Variants in NFATC1 observed in about 807,000 individuals in gnomAD.
The protein encoded by NFATC1 is nuclear factor of activated T cells 1.
NFATC1 carries 22 observed loss-of-function variants against 76.0 expected under a neutral mutation model. That is an observed-to-expected ratio of 0.29 (90% CI 0.21 to 0.41). NFATC1 has a LOEUF of 0.41. Among genes scored for constraint, NFATC1 ranks in the 10% least tolerant of loss-of-function variants. The pLI is 1.00. For synonymous variants in NFATC1, 704 were observed against 613.1 expected (o/e 1.15, Z -2.19); for missense variants, 1,357 against 1,337.7 (o/e 1.01, Z -0.23).
In NFATC1 at chr18:79,410,868, C is replaced by T. The variant is rs773868340; in HGVS notation, c.593C>T (p.Ala198Val). The change falls in exon 2 of 10, where the codon GCG becomes GTG. Residue 198 changes from alanine (A) to valine (V), a missense_variant. Physicochemically the swap from Ala to Val is moderately conservative, Grantham distance 64. Coordinates refer to ENST00000427363, the MANE Select transcript of NFATC1 (RefSeq NM_001278669.2). The surrounding 1 kb of genome is among the most constrained non-coding windows in gnomAD (Gnocchi z 6.7). ...SYESNYSYPY[A>V]SPQTSPWQSP... is the part of the protein sequence containing the mutation. ...GAGTCCAACTACTCGTACCCGTACG[C>T]GTCCCCCCAGACGTCGCCATGGCAG... 52 of 1,609,394 alleles carry T rather than the reference C, an allele frequency of 3.2e-5. No individual in the cohort carries two copies. Among genetic ancestry groups the T allele is most frequent in the African/African-American group, 4.0e-5 (3 of 74,914 alleles).
At chr18:79,467,673 G>A (rs754755959) in intron 8 of NFATC1, 91 bp downstream of exon 8, 20 of 1,571,984 alleles carry the variant, frequency 1.3e-5, no homozygotes, top group African/African-American at 1.4e-5. Flanking sequence ...GTAAAGCAGC[G>A]TGGCGTGTTG....
rs1333554834 is a variant in NFATC1, at chr18:79,410,373, A to G, written c.128-30A>G. ...TCTGCTTTGTGATGCCCAGCCCCTCATGCTCCCATCTGCTTCTTTTTCTCT... is the reference window on the plus strand; with the variant it reads ...TCTGCTTTGTGATGCCCAGCCCCTCGTGCTCCCATCTGCTTCTTTTTCTCT... On this transcript the variant is annotated intron_variant, in intron 1 of 9. Transcript: ENST00000427363. This position sits in a 1 kb window ranked among gnomAD's most constrained non-coding sequence, Gnocchi z 6.7. 4 of 1,575,044 alleles carry G rather than the reference A, an allele frequency of 2.5e-6. No individual in the cohort carries two copies. The highest frequency in any genetic ancestry group is 3.4e-6 in the Non-Finnish European group (4 of 1,161,592).
chr18:79,522,379 G>A (rs867166140), intron 9 of NFATC1, among the ~76,000 whole-genome samples: 9 of 80,168 alleles, frequency 1.1e-4, no homozygotes, highest in African/African-American at 3.8e-4. Context: ...TGTGTGTGTG[G>A]GGGGGGGTGC....
chr18:79,491,367 TGCC>T (rs1028450599), intron 9 of NFATC1, among the ~76,000 whole-genome samples: 2 of 152,180 alleles, frequency 1.3e-5, no homozygotes, highest in African/African-American at 4.8e-5. Context: ...GTCAAGTCGG[TGCC>T]GTGCGTGCCA....
In NFATC1 at chr18:79,430,432, G is replaced by A. The variant is rs1251955559; in HGVS notation, c.1227-3147G>A. Among the ~76,000 whole-genome samples the A allele has an allele frequency of 2.0e-5, 3 of 152,310 alleles. 1 individual carries two copies. Among genetic ancestry groups the A allele is most frequent in the Middle Eastern group, 6.8e-3 (2 of 294 alleles). On this transcript the variant is annotated intron_variant, in intron 2 of 9. Coordinates refer to ENST00000427363, the MANE Select transcript of NFATC1 (RefSeq NM_001278669.2). ...GAGTCTCACTCTGTTGCCCAGGCTG[G>A]ATTGCAGTGGTGCAATTTCGGCTCA... is the stretch of plus-strand genomic sequence containing the variant.
intron 9 of NFATC1, chr18:79,497,679 G>A (rs941396241): frequency 6.6e-6 from 1 of 151,838 alleles, no homozygotes; most frequent in Admixed American, 6.6e-5. Context: ...TCGGTACAGA[G>A]AGGGCCCCAG....
intron 8 of NFATC1, chr18:79,469,328 G>A (rs994131965): frequency 2.5e-5 from 25 of 985,282 alleles, no homozygotes; most frequent in African/African-American, 5.2e-5. Context: ...CTCAGCATGC[G>A]GCAGTCCCCA....
chr18:79,438,926 A>G (rs182813302), intron 3 of NFATC1, among the ~76,000 whole-genome samples: 327 of 152,336 alleles, frequency 2.1e-3, no homozygotes, highest in Non-Finnish European at 3.3e-3. Context: ...CTGTCATGTA[A>G]GAAACTTGAC....
rs913384754 is a variant in NFATC1 at position 79,449,019 on chromosome 18, G to C, written c.1589+35G>C. 5.6e-6 allele frequency: 9 copies of C among 1,602,978 alleles called. No individual in the cohort carries two copies. The African/African-American group carries it at 1.2e-4, about 21-fold the overall frequency. The stretch of plus-strand genomic sequence containing the variant: ...GGGGGACCTCCGGCCTCTGGCAGGG[G>C]GCGGTAGGAGGGGGCGTGCCTCCCT... On this transcript the variant is annotated intron_variant, in intron 4 of 9. Coordinates refer to ENST00000427363, the MANE Select transcript of NFATC1 (RefSeq NM_001278669.2).
chr18:79,469,778 G>T (rs116961762), intron 8 of NFATC1: 11,949 of 985,208 alleles, frequency 0.012, 77 homozygotes, highest in Non-Finnish European at 0.013. Flanking sequence ...TAGTCCCTGG[G>T]TGACCATCCC....
In NFATC1 at chr18:79,451,138, T is replaced by TCCACGCGC; in HGVS notation, c.1762+17_1762+24dup. 1 of 1,601,828 alleles carries TCCACGCGC rather than the reference T, an allele frequency of 6.2e-7. No homozygotes were observed. The highest frequency in any genetic ancestry group is 1.3e-5 in the African/African-American group (1 of 74,840). ...CCCCATCGAATGCTGTAAGTGGACG[T>TCCACGCGC]CCACGCGCCCACAGGGGAGGAAACC... On this transcript the variant is annotated intron_variant, in intron 5 of 9. Coordinates refer to ENST00000427363, the MANE Select transcript of NFATC1 (RefSeq NM_001278669.2).
intron 8 of NFATC1, among the ~76,000 whole-genome samples, chr18:79,475,534 C>T (rs570663099): frequency 0.015 from 1,986 of 134,086 alleles, 75 homozygotes; most frequent in African/African-American, 0.054. Flanking sequence ...ACCGTCGACA[C>T]TGTAAACCTG....
At chr18:79,496,115 G>C (rs1195879931) in intron 9 of NFATC1, 1 of 152,706 alleles carries the variant, frequency 6.5e-6, no homozygotes, top group Non-Finnish European at 1.5e-5. Context: ...GATGCACTCT[G>C]TTTTCCTCCT....
At chr18:79,512,515 C>T (rs2090280161) in intron 9 of NFATC1, among the ~76,000 whole-genome samples, 3 of 152,224 alleles carry the variant, frequency 2.0e-5, no homozygotes, top group Admixed American at 6.5e-5. Context: ...TCTGTGGCTC[C>T]ACGAGGTCAG....
chr18:79,481,297 T>C (rs1356182532), intron 8 of NFATC1, among the ~76,000 whole-genome samples: 3 of 152,240 alleles, frequency 2.0e-5, no homozygotes, highest in African/African-American at 7.2e-5. Flanking sequence ...ACGCGTGCCC[T>C]GGATGAAAAT....
At chr18:79,432,872 GC>G (rs2086647964) in intron 2 of NFATC1, among the ~76,000 whole-genome samples, 1 of 152,224 alleles carries the variant, frequency 6.6e-6, no homozygotes, top group South Asian at 2.1e-4. Flanking sequence ...AAAGACAGGG[GC>G]CGTGGGGCCC....
chr18:79,516,546 G>A (rs1472909192), intron 9 of NFATC1, among the ~76,000 whole-genome samples: 10 of 152,106 alleles, frequency 6.6e-5, no homozygotes, highest in South Asian at 4.2e-4. Context: ...TTTCTCAGCC[G>A]AGCGCCGGGC....
chr18:79,479,562 T>G (rs2089201977), intron 8 of NFATC1, among the ~76,000 whole-genome samples: 1 of 152,248 alleles, frequency 6.6e-6, no homozygotes, highest in African/African-American at 2.4e-5. Flanking sequence ...TCTTAGATGC[T>G]GGGGTGTGGA....
intron 8 of NFATC1, chr18:79,468,409 T>C (rs990014129): frequency 6.9e-6 from 1 of 145,168 alleles, no homozygotes; most frequent in Non-Finnish European, 1.5e-5. Context: ...TCCCCACAGC[T>C]CGGAGGGGAC....
Sources: allele counts gnomAD v4.1 joint callset (sites outside exome capture counted in the v4.1 genomes callset), GRCh38; gene constraint gnomAD v4.1.1; non-coding constraint Gnocchi (gnomAD v3.1); transcripts MANE v1.5; gene names NCBI Gene and HGNC (gene_info 2026-07-23, HGNC 2026-07-21).